CALCRL: variants seen among roughly 807,000 people sequenced by gnomAD.
CALCRL encodes calcitonin receptor like receptor.
In CALCRL, 27 loss-of-function variants were observed where a neutral mutation model predicts 60.4. That is an observed-to-expected ratio of 0.45 (90% confidence interval 0.33 to 0.62). CALCRL has a LOEUF of 0.62. Among genes scored for constraint, CALCRL ranks in the 20% least tolerant of loss-of-function variants. The probability of loss-of-function intolerance (pLI) is 0.03; values close to 1 mark genes in which losing one functional copy is unlikely to be tolerated. For synonymous variants in CALCRL, 190 were observed against 182.6 expected, an observed-to-expected ratio of 1.04 and a Z score of -0.33; for missense variants, 424 against 540.7, an observed-to-expected ratio of 0.78 and a Z score of 2.14.
chr2:187,414,726 T>C (rs577293620), intron 1 of CALCRL, among the ~76,000 whole-genome samples: 1 of 152,192 alleles, frequency 6.6e-6, no homozygotes, highest in East Asian at 1.9e-4. Flanking sequence ...AGACAAATTT[T>C]CCTAGGACTG....
At chr2:187,376,514 T>C (rs1025161750) in intron 8 of CALCRL, among the ~76,000 whole-genome samples, 8 of 152,164 alleles carry the variant, frequency 5.3e-5, no homozygotes, top group African/African-American at 1.9e-4. Flanking sequence ...AGATTTAAAA[T>C]TGAATACTCT....
At position 187,433,872 on chromosome 2, in the gene CALCRL, A is replaced by G. The variant is rs192863694; in HGVS notation, c.-293+14167T>C. On this transcript the variant is annotated intron_variant, in intron 1 of 14. Transcript: ENST00000392370. The stretch of plus-strand genomic sequence containing the variant: ...CAATCAAGTGAATTAAAAAATGAGG[A>G]ATTATGTGAAAAACACAAACTTCAA... Among the ~76,000 whole-genome samples the G allele has an allele frequency of 6.1e-3, 923 of 152,172 alleles. 12 individuals carry two copies. The highest frequency in any genetic ancestry group is 0.021 in the African/African-American group (886 of 41,544).
chr2:187,434,683 A>G (rs887791502), intron 1 of CALCRL, among the ~76,000 whole-genome samples: 18 of 152,182 alleles, frequency 1.2e-4, no homozygotes, highest in Admixed American at 1.1e-3. Flanking sequence ...GTAATATCAA[A>G]ACTGTGGAAG....
intron 1 of CALCRL, among the ~76,000 whole-genome samples, chr2:187,406,816 C>T (rs1689152071): frequency 6.6e-6 from 1 of 151,954 alleles, no homozygotes; most frequent in South Asian, 2.1e-4. Context: ...ATGGAATCAA[C>T]ATTATTAAGT....
intron 1 of CALCRL, among the ~76,000 whole-genome samples, chr2:187,439,521 C>T (rs981906934): frequency 6.6e-6 from 1 of 151,662 alleles, no homozygotes; most frequent in African/African-American, 2.4e-5. Flanking sequence ...AACAAAAAAA[C>T]AGTAAATATG....
At chr2:187,380,827 C>T (rs779359430) in intron 5 of CALCRL, 40 bp from the exon 6 acceptor site, 3 of 1,475,772 alleles carry the variant, frequency 2.0e-6, no homozygotes, top group South Asian at 1.2e-5. Flanking sequence ...TTAAATCCTT[C>T]TACTTATACA....
intron 1 of CALCRL, among the ~76,000 whole-genome samples, chr2:187,390,422 T>A (rs1356597071): frequency 2.0e-5 from 3 of 152,140 alleles, no homozygotes; most frequent in Admixed American, 2.0e-4. Flanking sequence ...TTAAATTACC[T>A]TTAATATGCA....
intron 1 of CALCRL, among the ~76,000 whole-genome samples, chr2:187,406,852 C>A (rs16829005): frequency 0.023 from 3,531 of 152,068 alleles, 142 homozygotes; most frequent in African/African-American, 0.08. Context: ...ACTGAAAAAT[C>A]TTTTAGATGT....
chr2:187,383,416 A>AAG (rs1280384827), intron 4 of CALCRL, 111 bp from the exon 5 acceptor site: 6 of 816,514 alleles, frequency 7.3e-6, no homozygotes, highest in Non-Finnish European at 1.1e-5. Context: ...GATGTACTGG[A>AAG]AGATAAACTG....
chr2:187,445,291 C>T (rs1210855910), intron 1 of CALCRL, among the ~76,000 whole-genome samples: 1 of 151,388 alleles, frequency 6.6e-6, no homozygotes, highest in Non-Finnish European at 1.5e-5. Context: ...GCATAAGATA[C>T]GCAATAAAGC....
At chr2:187,368,709 G>T (rs1429414355) in intron 8 of CALCRL, among the ~76,000 whole-genome samples, 1 of 152,026 alleles carries the variant, frequency 6.6e-6, no homozygotes, top group Non-Finnish European at 1.5e-5. Context: ...GAAAGTACAA[G>T]CAATATAAGA....
At chr2:187,379,070 A>G (rs767460639) in intron 7 of CALCRL, 39 bp from the exon 8 acceptor site, 1 of 1,014,118 alleles carries the variant, frequency 9.9e-7, no homozygotes, top group South Asian at 1.3e-5. Context: ...GTTCATATCA[A>G]TACTATAAGT....
chr2:187,416,649 T>C (rs898131089), intron 1 of CALCRL, among the ~76,000 whole-genome samples: 6 of 152,118 alleles, frequency 3.9e-5, no homozygotes, highest in African/African-American at 1.4e-4. Context: ...AGTTACCAAG[T>C]GTATGGTCTG....
chr2:187,346,468 A>G (rs1686278629), intron 14 of CALCRL, 69 bp from the exon 15 acceptor site: 1 of 1,091,378 alleles, frequency 9.2e-7, no homozygotes, highest in Non-Finnish European at 1.3e-6. Flanking sequence ...ACTGTTTTTG[A>G]AGCACAATTA....
At chr2:187,402,971 G>A (rs1190316207) in intron 1 of CALCRL, among the ~76,000 whole-genome samples, 5 of 151,588 alleles carry the variant, frequency 3.3e-5, no homozygotes, top group Admixed American at 1.3e-4. Flanking sequence ...AAAAGAGAAA[G>A]AAAGAGATAG....
intron 8 of CALCRL, among the ~76,000 whole-genome samples, chr2:187,363,951 C>T (rs1343144219): frequency 6.6e-6 from 1 of 152,080 alleles, no homozygotes; most frequent in African/African-American, 2.4e-5. Flanking sequence ...TTAAATAAAA[C>T]TGTGTGTTTT....
At chr2:187,381,837 G>A (rs1306249190) in intron 5 of CALCRL, among the ~76,000 whole-genome samples, 1 of 152,112 alleles carries the variant, frequency 6.6e-6, no homozygotes, top group Non-Finnish European at 1.5e-5. Flanking sequence ...AGATTTGCAA[G>A]GCAATATCGG....
intron 1 of CALCRL, among the ~76,000 whole-genome samples, chr2:187,429,173 C>T (rs1157578367): frequency 6.6e-6 from 1 of 151,678 alleles, no homozygotes. Context: ...AGACATTTCC[C>T]TTTATATTTT....
chr2:187,417,840 C>A (rs145454217), intron 1 of CALCRL, among the ~76,000 whole-genome samples: 20 of 152,016 alleles, frequency 1.3e-4, no homozygotes, highest in Admixed American at 1.1e-3. Flanking sequence ...ACTATAAAAC[C>A]ACCACAGGAA....
Sources: allele counts gnomAD v4.1 joint callset (sites outside exome capture counted in the v4.1 genomes callset), GRCh38; gene constraint gnomAD v4.1.1; transcripts MANE v1.5; gene names NCBI Gene and HGNC (gene_info 2026-07-23, HGNC 2026-07-21).